The following TBC1D15 variants were observed in gnomAD, a reference collection of about 807,000 sequenced individuals.
The protein encoded by TBC1D15 is TBC1 domain family member 15, also known as GAP for RAB7.
In TBC1D15, 39 loss-of-function variants were observed where a neutral mutation model predicts 95.4. That is an observed-to-expected ratio of 0.41 (90% confidence interval 0.32 to 0.53). The LOEUF (loss-of-function observed/expected upper bound fraction) is 0.53. Ranked by LOEUF, TBC1D15 falls within the 20% of genes least tolerant of loss-of-function variation. The probability of loss-of-function intolerance (pLI) is 0.29; values close to 1 mark genes in which losing one functional copy is unlikely to be tolerated. For synonymous variants in TBC1D15, 258 were observed against 261.3 expected (o/e 0.99, Z 0.12); for missense variants, 733 against 794.3 (o/e 0.92, Z 0.93).
intron 10 of TBC1D15, among the ~76,000 whole-genome samples, chr12:71,906,710 A>G (rs1314173673): frequency 2.6e-5 from 4 of 151,978 alleles, no homozygotes; most frequent in East Asian, 1.9e-4. Flanking sequence ...TGCTAATGCA[A>G]ATTATTACTT....
chr12:71,912,333 T>C (rs1424011631), intron 11 of TBC1D15, among the ~76,000 whole-genome samples: 3 of 152,176 alleles, frequency 2.0e-5, no homozygotes, highest in Non-Finnish European at 4.4e-5. Context: ...AATAATTGGA[T>C]GTCCTCCATG....
At chr12:71,841,346 C>G (rs1454275046) in intron 1 of TBC1D15, 2 of 152,210 alleles carry the variant, frequency 1.3e-5, no homozygotes, top group Non-Finnish European at 2.9e-5. Context: ...TAAAGTGAGA[C>G]TTATATTTAG....
At chr12:71,909,441 T>G (rs1402045236) in intron 11 of TBC1D15, among the ~76,000 whole-genome samples, 1 of 152,100 alleles carries the variant, frequency 6.6e-6, no homozygotes, top group Non-Finnish European at 1.5e-5. Flanking sequence ...CAAAAGAATT[T>G]AAGGAAGGGT....
In TBC1D15 at chr12:71,853,918, C is replaced by T. The variant is rs540574605; in HGVS notation, c.30+14107C>T. ...TAGTTTCTTCTAATAGTTTCCCTCT[C>T]GCCTTGAAGAGTTTACTGACAAACA... On this transcript the variant is annotated intron_variant, in intron 1 of 16. Transcript: ENST00000485960. 3.7e-4 allele frequency among the ~76,000 whole-genome samples: 57 copies of T among 152,314 alleles called. 1 individual carries two copies. The highest frequency in any genetic ancestry group is 3.4e-3 in the Middle Eastern group (1 of 294).
At chr12:71,878,287 C>T (rs965408451) in intron 3 of TBC1D15, among the ~76,000 whole-genome samples, 1 of 152,230 alleles carries the variant, frequency 6.6e-6, no homozygotes, top group South Asian at 2.1e-4. Context: ...TTCCAAAACT[C>T]CAGCCTTTTG....
Position 71,896,677 on chromosome 12 carries a change from G to T in TBC1D15, c.985G>T (p.Gly329Ter). Reference protein sequence around the residue: ...DNMKQMIFRGGLSHALRKQAW... With the variant: ...DNMKQMIFRG ...TATTTAATATGTATGCTTTCTTCAGGGACTTAGTCATGCATTGAGAAAGCA... is the reference window on the plus strand; with the variant it reads ...TATTTAATATGTATGCTTTCTTCAGTGACTTAGTCATGCATTGAGAAAGCA... Residue 329 changes from glycine (G) to a stop codon, truncating the protein, a stop_gained and splice_region_variant, in exon 9 of 17, where the codon GGA becomes TGA. Coordinates refer to ENST00000485960, the MANE Select transcript of TBC1D15 (RefSeq NM_001146213.3). LOFTEE classifies it high-confidence loss of function. 6.2e-7 allele frequency: 1 copy of T among 1,608,882 alleles called. No individual in the cohort carries two copies. Among genetic ancestry groups the T allele is most frequent in the African/African-American group, 1.3e-5 (1 of 74,724 alleles).
At chr12:71,922,167 C>G (rs899753113) in intron 16 of TBC1D15, among the ~76,000 whole-genome samples, 2 of 152,188 alleles carry the variant, frequency 1.3e-5, no homozygotes, top group African/African-American at 4.8e-5. Context: ...TCACTGCAAC[C>G]TTCTCCTCCT....
At chr12:71,884,323 A>G (rs1487634938) in intron 4 of TBC1D15, among the ~76,000 whole-genome samples, 2 of 152,128 alleles carry the variant, frequency 1.3e-5, no homozygotes, top group East Asian at 1.9e-4. Context: ...ACAGATAAAC[A>G]TTTACTGAGA....
At chr12:71,919,896 G>A (rs1280070401) in intron 14 of TBC1D15, among the ~76,000 whole-genome samples, 1 of 152,160 alleles carries the variant, frequency 6.6e-6, no homozygotes, top group East Asian at 1.9e-4. Context: ...TCCTCAATCT[G>A]TGTTTACTAA....
Position 71,917,628 on chromosome 12 carries a change from T to G in TBC1D15, c.1402-70T>G, listed in dbSNP as rs541299743. On this transcript the variant is annotated intron_variant, in intron 12 of 16. Coordinates refer to ENST00000485960, the MANE Select transcript of TBC1D15 (RefSeq NM_001146213.3). ...GCATTTGTCCTTAGACATCATGTTT[T>G]AGTTATCAGTCATTATGTACTATAA... is the stretch of plus-strand genomic sequence containing the variant. 8 of 1,015,794 alleles carry G rather than the reference T, an allele frequency of 7.9e-6. No individual in the cohort carries two copies. In the South Asian group the frequency reaches 1.1e-4, roughly 14 times the overall value. The allele number at this position is 1,015,794 out of a possible 1,614,324, so 62.9% of individuals were successfully genotyped here.
rs1897846906 is a variant in TBC1D15, at chr12:71,894,769, C to T, written c.741C>T (p.Ser247=). The T allele has an allele frequency of 1.2e-6, 2 of 1,613,208 alleles. No homozygotes were observed. The highest frequency in any genetic ancestry group is 1.7e-6 in the Non-Finnish European group (2 of 1,179,400). Residue 247 remains serine, a synonymous_variant, in exon 7 of 17, where the codon AGC becomes AGT. Coordinates refer to ENST00000485960, the MANE Select transcript of TBC1D15 (RefSeq NM_001146213.3). The part of the protein sequence containing the change: ...TNYIFDSLRG[S]DPSTHQRPPS... ...ACATTTTTGACAGTTTGAGAGGCAG[C>T]GATCCCTCTACACATCAACGACCAC...
At chr12:71,873,049 A>C (rs770671325) in intron 3 of TBC1D15, 46 bp downstream of exon 3, 5 of 1,295,294 alleles carry the variant, frequency 3.9e-6, no homozygotes, top group Non-Finnish European at 5.5e-6. Context: ...CATTTAAAAA[A>C]TAACAGTATT....
In TBC1D15 at chr12:71,884,973, A is replaced by C; in HGVS notation, c.506A>C (p.Asp169Ala). The part of the protein sequence containing the change: ...VLPALHFHQG[D>A]SKLLIESLEK... ...CCTGCTCTACACTTTCATCAAGGAG[A>C]TAGCAAACTACTGATTGAATCTCTT... The change falls in exon 5 of 17, where the codon GAT becomes GCT. Residue 169 changes from aspartate to alanine, a missense_variant. Coordinates refer to ENST00000485960, the MANE Select transcript of TBC1D15 (RefSeq NM_001146213.3). The C allele has an allele frequency of 6.2e-7, 1 of 1,613,952 alleles. No homozygotes were observed. Among genetic ancestry groups the C allele is most frequent in the African/African-American group, 1.3e-5 (1 of 75,034 alleles).
chr12:71,911,370 A>G (rs1306278301), intron 11 of TBC1D15, among the ~76,000 whole-genome samples: 2 of 152,046 alleles, frequency 1.3e-5, no homozygotes, highest in African/African-American at 2.4e-5. Flanking sequence ...CTTGGAACCA[A>G]TCCAAATGTC....
In TBC1D15 at chr12:71,911,540, G is replaced by A. The variant is rs867576728; in HGVS notation, c.1301-2286G>A. On this transcript the variant is annotated intron_variant, in intron 11 of 16. Transcript: ENST00000485960. ...TCGCAAGGACAAAAAACCAAACACCGCATGTTCTCACTTATAGGTGGGAAT... is the reference window on the plus strand; with the variant it reads ...TCGCAAGGACAAAAAACCAAACACCACATGTTCTCACTTATAGGTGGGAAT... 1.0e-4 allele frequency among the ~76,000 whole-genome samples: 15 copies of A among 145,198 alleles called. No homozygotes were observed. In the South Asian group the frequency reaches 2.6e-3, roughly 26 times the overall value.
chr12:71,913,574 T>C (rs1902951672), intron 11 of TBC1D15: 1 of 355,750 alleles, frequency 2.8e-6, no homozygotes, highest in East Asian at 8.6e-5. Context: ...TGATAGTGTA[T>C]CTGCACTGAG....
At chr12:71,885,729 C>T (rs76625694) in intron 5 of TBC1D15, among the ~76,000 whole-genome samples, 4,771 of 152,090 alleles carry the variant, frequency 0.031, 255 homozygotes, top group African/African-American at 0.11. Context: ...ATGAGGGGCA[C>T]TTAATTCAGA....
At chr12:71,878,590 A>G (rs1894462639) in intron 3 of TBC1D15, among the ~76,000 whole-genome samples, 1 of 150,966 alleles carries the variant, frequency 6.6e-6, no homozygotes, top group Admixed American at 6.6e-5. Context: ...ATTTCGGCTC[A>G]CTGCAATCTC....
At chr12:71,872,414 A>G (rs1892889401) in intron 2 of TBC1D15, among the ~76,000 whole-genome samples, 1 of 152,206 alleles carries the variant, frequency 6.6e-6, no homozygotes, top group African/African-American at 2.4e-5. Flanking sequence ...TAATACACCT[A>G]ACTTACTGGA....
Sources: gnomAD v4.1 joint callset for allele counts (sites outside exome capture counted in the v4.1 genomes callset) on GRCh38, gnomAD v4.1.1 for gene constraint, MANE v1.5 for transcripts, NCBI Gene and HGNC (gene_info 2026-07-23, HGNC 2026-07-21) for gene names.